ST18: variants seen among roughly 807,000 people sequenced by gnomAD.
ST18 encodes the protein suppression of tumorigenicity 18 protein.
A neutral mutation model predicts 110.0 loss-of-function variants in ST18; 50 were observed. The ratio of observed to expected loss-of-function variants is 0.45; its 90% confidence interval spans 0.36 to 0.58. The LOEUF is 0.58. Among genes scored for constraint, ST18 ranks in the 20% least tolerant of loss-of-function variants. ST18 has a pLI of 0.00. For missense variants in ST18, 1,306 were observed against 1,280.1 expected (o/e 1.02, Z -0.31); for synonymous variants, 461 against 452.4 (o/e 1.02, Z -0.24).
intron 8 of ST18, among the ~76,000 whole-genome samples, chr8:52,188,565 G>A (rs946632495): frequency 6.6e-6 from 1 of 152,200 alleles, no homozygotes; most frequent in Admixed American, 6.5e-5. Context: ...ATTTGAATAC[G>A]TTGTAGTGTT....
intron 2 of ST18, among the ~76,000 whole-genome samples, chr8:52,388,099 C>T (rs1318080769): frequency 6.6e-6 from 1 of 152,110 alleles, no homozygotes; most frequent in African/African-American, 2.4e-5. Context: ...ACGCTTGTTT[C>T]GAAAATGCGA....
chr8:52,290,990 C>T (rs1416727800), intron 2 of ST18, among the ~76,000 whole-genome samples: 1 of 152,230 alleles, frequency 6.6e-6, no homozygotes, highest in African/African-American at 2.4e-5. Context: ...AAGCATCTCC[C>T]TGTGGAGTGC....
At chr8:52,125,744 T>C (rs6473686) in intron 23 of ST18, 65,334 of 265,590 alleles carry the variant, frequency 0.25, 12,240 homozygotes, top group African/African-American at 0.62. Flanking sequence ...CTATCCTTGG[T>C]CTCCCAAAGT....
chr8:52,184,310 C>T (rs1457565728), intron 8 of ST18, among the ~76,000 whole-genome samples: 1 of 152,176 alleles, frequency 6.6e-6, no homozygotes, highest in Non-Finnish European at 1.5e-5. Context: ...TTTAAACATC[C>T]AGCGTCCCCC....
chr8:52,305,580 T>C (rs1267024833), intron 2 of ST18, among the ~76,000 whole-genome samples: 1 of 152,214 alleles, frequency 6.6e-6, no homozygotes, highest in Non-Finnish European at 1.5e-5. Flanking sequence ...ACGTCTTACC[T>C]TCTCTTTCAC....
At chr8:52,261,725 C>T (rs972078861) in intron 2 of ST18, among the ~76,000 whole-genome samples, 1 of 152,170 alleles carries the variant, frequency 6.6e-6, no homozygotes, top group African/African-American at 2.4e-5. Context: ...ACCTTTCCAA[C>T]CCTATTTCCA....
At chr8:52,302,882 C>T (rs1425576095) in intron 2 of ST18, among the ~76,000 whole-genome samples, 6 of 152,070 alleles carry the variant, frequency 3.9e-5, no homozygotes, top group Admixed American at 6.5e-5. Context: ...AGAAACATCA[C>T]CATTTGTCAA....
intron 2 of ST18, among the ~76,000 whole-genome samples, chr8:52,293,071 G>C (rs569418584): frequency 2.0e-5 from 3 of 152,188 alleles, no homozygotes; most frequent in Admixed American, 2.0e-4. Context: ...TATGTGTGTG[G>C]ATATTTATGT....
intron 13 of ST18, 45 bp downstream of exon 13, chr8:52,163,941 A>G (rs1469297108): frequency 6.8e-7 from 1 of 1,471,512 alleles, no homozygotes; most frequent in Non-Finnish European, 9.5e-7. Flanking sequence ...GCTGTGCAGG[A>G]GCCTGGATGA....
intron 8 of ST18, among the ~76,000 whole-genome samples, chr8:52,185,557 A>G (rs2071740793): frequency 6.6e-6 from 1 of 152,172 alleles, no homozygotes; most frequent in Non-Finnish European, 1.5e-5. Context: ...ATGAGGTATT[A>G]TTGGTGCAAA....
intron 12 of ST18, among the ~76,000 whole-genome samples, chr8:52,164,557 G>A (rs1003950799): frequency 2.4e-4 from 36 of 152,136 alleles, no homozygotes; most frequent in African/African-American, 7.2e-4. Flanking sequence ...GTACCTCATC[G>A]CCACATAATC....
At chr8:52,256,048 C>T (rs544563402) in intron 2 of ST18, among the ~76,000 whole-genome samples, 1 of 152,310 alleles carries the variant, frequency 6.6e-6, no homozygotes, top group South Asian at 2.1e-4. Context: ...AGCGGAGCCT[C>T]CTAGCCTGTG....
intron 24 of ST18, among the ~76,000 whole-genome samples, chr8:52,118,034 T>A (rs1300581499): frequency 6.6e-6 from 1 of 152,182 alleles, no homozygotes; most frequent in Non-Finnish European, 1.5e-5. Context: ...TACCTTTCCA[T>A]CACATTTTTT....
intron 2 of ST18, among the ~76,000 whole-genome samples, chr8:52,322,131 G>C (rs1448460187): frequency 1.3e-5 from 2 of 152,156 alleles, no homozygotes; most frequent in South Asian, 4.1e-4. Context: ...AGGGTTCTTT[G>C]AAATTTTTGG....
chr8:52,338,962 C>T (rs1337597121), intron 2 of ST18, among the ~76,000 whole-genome samples: 2 of 150,958 alleles, frequency 1.3e-5, no homozygotes, highest in Admixed American at 6.6e-5. Flanking sequence ...CCAGACTAAT[C>T]TCAAACTTGG....
chr8:52,394,422 A>G (rs1158813325), intron 2 of ST18, among the ~76,000 whole-genome samples: 1 of 152,222 alleles, frequency 6.6e-6, no homozygotes, highest in Non-Finnish European at 1.5e-5. Context: ...AAACATACAA[A>G]AAAAAGTCTT....
intron 2 of ST18, among the ~76,000 whole-genome samples, chr8:52,304,227 G>T (rs942837016): frequency 2.0e-5 from 3 of 152,072 alleles, no homozygotes; most frequent in Non-Finnish European, 4.4e-5. Flanking sequence ...TTAAAATAAA[G>T]TTATCATATA....
At chr8:52,251,148 G>A (rs975785862) in intron 2 of ST18, among the ~76,000 whole-genome samples, 1 of 152,074 alleles carries the variant, frequency 6.6e-6, no homozygotes, top group Non-Finnish European at 1.5e-5. Flanking sequence ...ACGGAGATTG[G>A]AGCAACTAGT....
At chr8:52,269,042 A>C (rs565914853) in intron 2 of ST18, among the ~76,000 whole-genome samples, 20 of 152,346 alleles carry the variant, frequency 1.3e-4, no homozygotes, top group Non-Finnish European at 2.5e-4. Context: ...ATGGAGTCCA[A>C]ACTGAACAGT....
Sources: allele counts gnomAD v4.1 joint callset (sites outside exome capture counted in the v4.1 genomes callset), GRCh38; gene constraint gnomAD v4.1.1; transcripts MANE v1.5; gene names NCBI Gene and HGNC (gene_info 2026-07-23, HGNC 2026-07-21).